The following TULP3 variants were observed in gnomAD, a reference collection of about 807,000 sequenced individuals.
TULP3 encodes the protein tubby-related protein 3.
A neutral mutation model predicts 50.7 loss-of-function variants in TULP3; 38 were observed. The ratio of observed to expected loss-of-function variants is 0.75; its 90% confidence interval spans 0.58 to 0.98. The LOEUF is 0.98. Among genes scored for constraint, TULP3 ranks in the 50% least tolerant of loss-of-function variants. TULP3 has a pLI of 0.00. For synonymous variants in TULP3, 183 were observed against 196.6 expected (o/e 0.93, Z 0.58); for missense variants, 550 against 568.0 (o/e 0.97, Z 0.32).
chr12:2,940,422 C>G lies in TULP3; in HGVS notation c.*978C>G. 6.8e-7 allele frequency: 1 copy of G among 1,463,870 alleles called. No homozygotes were observed. Among genetic ancestry groups the G allele is most frequent in the Non-Finnish European group, 9.0e-7 (1 of 1,109,394 alleles). The allele number at this position is 1,463,870 out of a possible 1,614,324, so 90.7% of individuals were successfully genotyped here. On this transcript the variant is annotated 3_prime_UTR_variant, in exon 11 of 11. Transcript: ENST00000448120. ...GTGGCAGAGCTGTGGACTTTCTTCT[C>G]GGCTCCCTCAACCCTGGCTCAGGCA...
At chr12:2,893,780 G>C (rs1034046013) in intron 1 of TULP3, among the ~76,000 whole-genome samples, 2 of 151,212 alleles carry the variant, frequency 1.3e-5, no homozygotes, top group South Asian at 2.1e-4. Flanking sequence ...CAACAAAATA[G>C]AGAAATTATT....
intron 4 of TULP3, among the ~76,000 whole-genome samples, chr12:2,923,292 C>T (rs2098192834): frequency 6.6e-6 from 1 of 152,148 alleles, no homozygotes; most frequent in South Asian, 2.1e-4. Flanking sequence ...ATATATGAAT[C>T]AGGAGATTCT....
intron 2 of TULP3, among the ~76,000 whole-genome samples, chr12:2,910,163 G>T (rs2098184646): frequency 6.6e-6 from 1 of 152,116 alleles, no homozygotes; most frequent in African/African-American, 2.4e-5. Context: ...CATGGTGGCG[G>T]GCACCTCTAG....
chr12:2,930,409 T>C (rs1358220503), intron 5 of TULP3, 64 bp downstream of exon 5: 1 of 991,072 alleles, frequency 1.0e-6, no homozygotes, highest in Non-Finnish European at 1.5e-6. Flanking sequence ...ATATCTTCAG[T>C]ATTTATTTAT....
rs1334112829 is a variant in TULP3 at position 2,915,532 on chromosome 12, GT to G, written c.94-5224del. ...CTTTGTGGGCGGGGAGATTAAGTTA[GT>G]TTTTTTATTTTGTTTTTTTTTTTTG... On this transcript the variant is annotated intron_variant, in intron 2 of 10. Transcript: ENST00000448120. 3.6e-5 allele frequency among the ~76,000 whole-genome samples: 4 copies of G among 111,424 alleles called. No homozygotes were observed. The South Asian group carries it at 9.7e-4, about 27-fold the overall frequency. The allele number at this position is 111,424 out of a possible 152,430, so 73.1% of individuals were successfully genotyped here.
rs765538656 is a variant in TULP3 at position 2,939,496 on chromosome 12, C to T, written c.*52C>T. On this transcript the variant is annotated 3_prime_UTR_variant, in exon 11 of 11. Coordinates refer to ENST00000448120, the MANE Select transcript of TULP3 (RefSeq NM_003324.5). The surrounding 1 kb of genome is among the most constrained non-coding windows in gnomAD (Gnocchi z 4.0). ...TCCCCACAGAGCTTTCAGGAGCAGA[C>T]AGTGGCCTCCCCTTCCCCTCCCTGC... is the stretch of plus-strand genomic sequence containing the variant. 1.9e-6 allele frequency: 3 copies of T among 1,604,396 alleles called. No individual in the cohort carries two copies. The Admixed American group carries it at 5.1e-5, about 27-fold the overall frequency.
intron 1 of TULP3, among the ~76,000 whole-genome samples, chr12:2,895,818 G>GGT (rs1421491785): frequency 1.3e-5 from 2 of 152,088 alleles, no homozygotes; most frequent in African/African-American, 4.8e-5. Flanking sequence ...TAGGCCCTGT[G>GGT]GTACAGTCTG....
At chr12:2,901,116 C>T (rs2098178971) in intron 1 of TULP3, among the ~76,000 whole-genome samples, 1 of 151,424 alleles carries the variant, frequency 6.6e-6, no homozygotes, top group African/African-American at 2.4e-5. Context: ...TGGGCCCCCT[C>T]CCCCCACCTC....
chr12:2,923,872 T>A (rs766571510), intron 4 of TULP3, among the ~76,000 whole-genome samples: 21 of 150,768 alleles, frequency 1.4e-4, no homozygotes, highest in Non-Finnish European at 2.4e-4. Context: ...CCCAGCTACT[T>A]GGGGGGCTGA....
chr12:2,900,095 C>T (rs1236256180), intron 1 of TULP3, among the ~76,000 whole-genome samples: 1 of 151,236 alleles, frequency 6.6e-6, no homozygotes, highest in Non-Finnish European at 1.5e-5. Context: ...CGTGGTCGCA[C>T]TCCTGTGTTC....
chr12:2,915,703 C>G (rs1437532602), intron 2 of TULP3, among the ~76,000 whole-genome samples: 1 of 152,028 alleles, frequency 6.6e-6, no homozygotes, highest in African/African-American at 2.4e-5. Context: ...TGCCTCCACG[C>G]CCAGCTAATT....
At position 2,918,249 on chromosome 12, in the gene TULP3, G is replaced by A. The variant is rs141444155; in HGVS notation, c.94-2514G>A. 8.7e-5 allele frequency among the ~76,000 whole-genome samples: 13 copies of A among 149,584 alleles called. No individual in the cohort carries two copies. The East Asian group carries it at 2.6e-3, about 30-fold the overall frequency. On this transcript the variant is annotated intron_variant, in intron 2 of 10. Coordinates refer to ENST00000448120, the MANE Select transcript of TULP3 (RefSeq NM_003324.5). ...CTGCCTCAGCCTCCCAAGTAGCCGG[G>A]ATTACAGGCGCTTGCCACCACGCCT...
chr12:2,894,308 G>T (rs866086816), intron 1 of TULP3, among the ~76,000 whole-genome samples: 5 of 137,632 alleles, frequency 3.6e-5, no homozygotes, highest in African/African-American at 2.8e-5. Flanking sequence ...GGCGGGGGGG[G>T]GGAAATCACC....
chr12:2,898,467 T>C (rs1475317732), intron 1 of TULP3, among the ~76,000 whole-genome samples: 1 of 152,144 alleles, frequency 6.6e-6, no homozygotes, highest in Non-Finnish European at 1.5e-5. Flanking sequence ...CCCTGGCCAG[T>C]AGTCCTTTTC....
rs991137389 is a variant in TULP3 at position 2,940,837 on chromosome 12, G to T, written c.*1393G>T. 9.9e-7 allele frequency: 1 copy of T among 1,009,846 alleles called. No individual in the cohort carries two copies. Among genetic ancestry groups the T allele is most frequent in the East Asian group, 2.7e-5 (1 of 37,352 alleles). 62.6% of individuals were successfully genotyped at this position (1,009,846 alleles called of 1,614,324 possible). A position where few individuals can be genotyped will look rare whatever the true frequency, so the allele number is the denominator to read the frequency against. ...ATCTCAGGCATGTATCCCACCAAGT[G>T]CCTCCCTCACAGCCATGCCCAGAAG... On this transcript the variant is annotated 3_prime_UTR_variant, in exon 11 of 11. Coordinates refer to ENST00000448120, the MANE Select transcript of TULP3 (RefSeq NM_003324.5).
In TULP3 at chr12:2,940,208, A is replaced by G; in HGVS notation, c.*764A>G. ...TTTTCAACCCAGGAGTGCCTCTCAC[A>G]GCTATATGACTACGGATCCATTAGT... is the stretch of plus-strand genomic sequence containing the variant. On this transcript the variant is annotated 3_prime_UTR_variant, in exon 11 of 11. Coordinates refer to ENST00000448120, the MANE Select transcript of TULP3 (RefSeq NM_003324.5). 7.5e-7 allele frequency: 1 copy of G among 1,332,426 alleles called. No individual in the cohort carries two copies. The highest frequency in any genetic ancestry group is 9.8e-7 in the Non-Finnish European group (1 of 1,018,020). The allele number at this position is 1,332,426 out of a possible 1,614,324, so 82.5% of individuals were successfully genotyped here. A position where few individuals can be genotyped will look rare whatever the true frequency, so the allele number is the denominator to read the frequency against.
intron 4 of TULP3, among the ~76,000 whole-genome samples, chr12:2,923,074 A>C (rs2098192713): frequency 6.6e-6 from 1 of 151,876 alleles, no homozygotes; most frequent in Non-Finnish European, 1.5e-5. Flanking sequence ...CCAGGATGGT[A>C]TCAATCTCCT....
intron 4 of TULP3, among the ~76,000 whole-genome samples, chr12:2,924,762 G>A (rs2098193724): frequency 6.6e-6 from 1 of 152,078 alleles, no homozygotes; most frequent in African/African-American, 2.4e-5. Flanking sequence ...GCTGAGGTGG[G>A]AGGATTGCTT....
chr12:2,891,121 T>TTTTCATGATA, intron 1 of TULP3, 133 bp downstream of exon 1: 2 of 1,152,106 alleles, frequency 1.7e-6, no homozygotes. Context: ...GGGACTGGTT[T>TTTTCATGATA]CGGCGGCGGG....
Sources: gnomAD v4.1 joint callset for allele counts (sites outside exome capture counted in the v4.1 genomes callset) on GRCh38, gnomAD v4.1.1 for gene constraint, Gnocchi (gnomAD v3.1) non-coding constraint, MANE v1.5 for transcripts, NCBI Gene and HGNC (gene_info 2026-07-23, HGNC 2026-07-21) for gene names.